PCDH9: variants seen among roughly 807,000 people sequenced by gnomAD.
PCDH9 encodes the protein protocadherin 9.
In PCDH9, 24 loss-of-function variants were observed where a neutral mutation model predicts 70.6. The observed-to-expected ratio is 0.34, with a 90% confidence interval of 0.25 to 0.48. The LOEUF (loss-of-function observed/expected upper bound fraction) is 0.48, where lower values mean the gene tolerates loss of function less well. PCDH9 is among the 20% of genes least tolerant of loss of function. The pLI is 0.99. For synonymous variants in PCDH9, 562 were observed against 558.5 expected (o/e 1.01, Z -0.09); for missense variants, 1,281 against 1,503.6 (o/e 0.85, Z 2.45).
intron 2 of PCDH9, among the ~76,000 whole-genome samples, chr13:66,971,034 C>G (rs928370436): frequency 6.6e-6 from 1 of 151,920 alleles, no homozygotes. Flanking sequence ...AGATCTGTGG[C>G]CATGCATGAG....
At chr13:66,644,244 A>G (rs759262048) in intron 3 of PCDH9, among the ~76,000 whole-genome samples, 4 of 151,952 alleles carry the variant, frequency 2.6e-5, no homozygotes, top group Non-Finnish European at 5.9e-5. Flanking sequence ...AAAAAACATG[A>G]TAAGTTAACA....
chr13:66,442,778 C>T (rs1958000009), intron 4 of PCDH9, among the ~76,000 whole-genome samples: 1 of 152,056 alleles, frequency 6.6e-6, no homozygotes, highest in Admixed American at 6.6e-5. Flanking sequence ...ACCATTTGGA[C>T]TCTCCTCACA....
chr13:66,963,533 A>G (rs1308111877), intron 2 of PCDH9, among the ~76,000 whole-genome samples: 1 of 152,196 alleles, frequency 6.6e-6, no homozygotes, highest in Non-Finnish European at 1.5e-5. Flanking sequence ...GATATTTTTA[A>G]TGATTTCCTT....
At chr13:66,306,013 C>A (rs904946708) in intron 4 of PCDH9, among the ~76,000 whole-genome samples, 2 of 151,882 alleles carry the variant, frequency 1.3e-5, no homozygotes, top group African/African-American at 4.8e-5. Context: ...TGTTGTCTTA[C>A]CCCCCTTGAT....
In PCDH9 at chr13:66,689,279, G is replaced by A. The variant is rs112690847; in HGVS notation, c.3139-57868C>T. Among the ~76,000 whole-genome samples, 116 of 152,190 alleles carry A rather than the reference G, an allele frequency of 7.6e-4. 1 individual carries two copies. The highest frequency in any genetic ancestry group is 2.7e-3 in the African/African-American group (111 of 41,532). ...AGACCCCCAATACAGAATACATTCA[G>A]GCATGGCTAAAGTTGTCCCTCCATT... On this transcript the variant is annotated intron_variant, in intron 3 of 4. Coordinates refer to ENST00000377865, the MANE Select transcript of PCDH9 (RefSeq NM_203487.3).
intron 4 of PCDH9, among the ~76,000 whole-genome samples, chr13:66,546,011 A>G (rs961907623): frequency 4.0e-5 from 6 of 150,586 alleles, no homozygotes; most frequent in Non-Finnish European, 8.9e-5. Context: ...ATTTTTTTCT[A>G]TCTTTTTTTA....
chr13:66,977,824 G>A (rs1157361895), intron 2 of PCDH9, among the ~76,000 whole-genome samples: 1 of 152,022 alleles, frequency 6.6e-6, no homozygotes, highest in African/African-American at 2.4e-5. Flanking sequence ...GGTAAAATCT[G>A]ATCTCCTCAG....
At chr13:66,419,336 A>C (rs1328577268) in intron 4 of PCDH9, among the ~76,000 whole-genome samples, 1 of 152,114 alleles carries the variant, frequency 6.6e-6, no homozygotes. Flanking sequence ...AGCACATTAA[A>C]AAGGTTATCC....
intron 3 of PCDH9, among the ~76,000 whole-genome samples, chr13:66,787,385 G>A (rs1258710832): frequency 6.6e-6 from 1 of 152,096 alleles, no homozygotes; most frequent in Non-Finnish European, 1.5e-5. Flanking sequence ...GGAGGCTGAG[G>A]CAGGTGGATC....
At chr13:66,713,623 G>GTATATATA (rs762817724) in intron 3 of PCDH9, among the ~76,000 whole-genome samples, 5,614 of 92,474 alleles carry the variant, frequency 0.061, 225 homozygotes, top group Middle Eastern at 0.11. Context: ...GTGTGTGTGT[G>GTATATATA]TGTATATATA....
chr13:66,680,370 A>G (rs11148711), intron 3 of PCDH9, among the ~76,000 whole-genome samples: 45,716 of 151,820 alleles, frequency 0.3, 8,060 homozygotes, highest in East Asian at 0.56. Flanking sequence ...GAATGAAATC[A>G]ATCAATCAAC....
chr13:67,115,467 T>C (rs17516670), intron 2 of PCDH9, among the ~76,000 whole-genome samples: 508 of 152,324 alleles, frequency 3.3e-3, no homozygotes, highest in Non-Finnish European at 5.4e-3. Context: ...CTGGACCCTT[T>C]TCAATGCAAT....
intron 2 of PCDH9, chr13:67,216,543 A>G (rs1045056473): frequency 2.6e-5 from 4 of 151,528 alleles, no homozygotes; most frequent in African/African-American, 9.7e-5. Context: ...AGGCATCAGT[A>G]AGAAAAACTC....
intron 3 of PCDH9, among the ~76,000 whole-genome samples, chr13:66,816,961 C>G (rs1353612280): frequency 6.7e-5 from 10 of 149,294 alleles, no homozygotes; most frequent in African/African-American, 2.5e-4. Context: ...GGTTCTGCAT[C>G]CTTGAATTCA....
At chr13:66,458,607 G>T (rs568640106) in intron 4 of PCDH9, among the ~76,000 whole-genome samples, 2 of 152,136 alleles carry the variant, frequency 1.3e-5, no homozygotes, top group Non-Finnish European at 1.5e-5. Flanking sequence ...TTAACTGGAA[G>T]TGTAGTGGAA....
At chr13:66,743,641 A>AT (rs1337915527) in intron 3 of PCDH9, among the ~76,000 whole-genome samples, 1 of 152,172 alleles carries the variant, frequency 6.6e-6, no homozygotes. Flanking sequence ...AAGAGAGTAG[A>AT]TTTTAAGTGT....
chr13:67,000,230 G>A (rs1457582275), intron 2 of PCDH9, among the ~76,000 whole-genome samples: 1 of 150,688 alleles, frequency 6.6e-6, no homozygotes, highest in Non-Finnish European at 1.5e-5. Flanking sequence ...ACTATCGCAG[G>A]GACAAAAAAC....
intron 2 of PCDH9, chr13:67,223,406 G>C (rs1321984583): frequency 6.6e-6 from 1 of 152,070 alleles, no homozygotes; most frequent in Non-Finnish European, 1.5e-5. Context: ...AAGTATATCA[G>C]TACATTTCTT....
chr13:66,898,665 C>T (rs891667479), intron 3 of PCDH9, among the ~76,000 whole-genome samples: 29 of 151,848 alleles, frequency 1.9e-4, no homozygotes, highest in African/African-American at 6.8e-4. Context: ...TATTCATACA[C>T]TAAATCAGAT....
Sources: allele counts gnomAD v4.1 joint callset (sites outside exome capture counted in the v4.1 genomes callset), GRCh38; gene constraint gnomAD v4.1.1; transcripts MANE v1.5; gene names NCBI Gene and HGNC (gene_info 2026-07-23, HGNC 2026-07-21).